The following SUPT3H variants were observed in gnomAD, a reference collection of about 807,000 sequenced individuals.
SUPT3H encodes transcription initiation protein SPT3 homolog.
SUPT3H carries 44 observed loss-of-function variants against 44.3 expected under a neutral mutation model. The ratio of observed to expected loss-of-function variants is 0.99; its 90% CI spans 0.78 to 1.28. SUPT3H has a LOEUF of 1.28. Ranked by LOEUF, SUPT3H falls within the 50% of genes most tolerant of loss-of-function variation. The pLI, the probability that SUPT3H is intolerant of heterozygous loss-of-function variation, is 0.00. For missense variants in SUPT3H, 380 were observed against 387.1 expected (o/e 0.98, Z 0.15); for synonymous variants, 124 against 125.6 (o/e 0.99, Z 0.09).
chr6:45,290,652 C>T (rs1397990928), intron 2 of SUPT3H, among the ~76,000 whole-genome samples: 1 of 152,088 alleles, frequency 6.6e-6, no homozygotes, highest in Admixed American at 6.6e-5. Context: ...AAAGAAGTGG[C>T]TGAAACTCTC....
intron 2 of SUPT3H, among the ~76,000 whole-genome samples, chr6:45,283,464 CA>C (rs1778584772): frequency 6.6e-6 from 1 of 151,960 alleles, no homozygotes; most frequent in Admixed American, 6.6e-5. Flanking sequence ...GACTTTAAAC[CA>C]ACAAAGGTCA....
chr6:45,246,591 C>T (rs1031744850), intron 2 of SUPT3H, among the ~76,000 whole-genome samples: 1 of 152,056 alleles, frequency 6.6e-6, no homozygotes, highest in Admixed American at 6.6e-5. Flanking sequence ...GAAAGTAATG[C>T]AGATTCAAAA....
chr6:44,854,270 C>T (rs1289205386), intron 10 of SUPT3H, among the ~76,000 whole-genome samples: 2 of 152,134 alleles, frequency 1.3e-5, no homozygotes, highest in Non-Finnish European at 2.9e-5. Context: ...CTGAAATCAG[C>T]TTTCCCAAAA....
chr6:45,124,193 G>C (rs73738603), intron 2 of SUPT3H, among the ~76,000 whole-genome samples: 2,868 of 152,168 alleles, frequency 0.019, 49 homozygotes, highest in African/African-American at 0.035. Flanking sequence ...TTGAGTTAAT[G>C]TAAGGATGAT....
At chr6:45,316,994 A>G (rs1394501473) in intron 2 of SUPT3H, among the ~76,000 whole-genome samples, 1 of 152,108 alleles carries the variant, frequency 6.6e-6, no homozygotes, top group East Asian at 1.9e-4. Context: ...TAGGAGGCCA[A>G]GGTGGGCGGA....
chr6:45,313,207 A>G (rs1366258521), intron 2 of SUPT3H, among the ~76,000 whole-genome samples: 1 of 152,166 alleles, frequency 6.6e-6, no homozygotes, highest in African/African-American at 2.4e-5. Context: ...CAAACAGACA[A>G]TCTAAAGTCA....
intron 6 of SUPT3H, among the ~76,000 whole-genome samples, chr6:44,996,630 G>A (rs770440252): frequency 4.0e-5 from 6 of 151,698 alleles, no homozygotes; most frequent in African/African-American, 7.3e-5. Flanking sequence ...TTAAAAGTTT[G>A]AACTTAGCAT....
At chr6:45,119,768 T>C (rs960492445) in intron 2 of SUPT3H, among the ~76,000 whole-genome samples, 2 of 152,184 alleles carry the variant, frequency 1.3e-5, no homozygotes, top group African/African-American at 4.8e-5. Context: ...GGAAAAATGT[T>C]TGAAATTTCA....
At chr6:45,092,058 C>T (rs1797188917) in intron 3 of SUPT3H, among the ~76,000 whole-genome samples, 1 of 152,008 alleles carries the variant, frequency 6.6e-6, no homozygotes, top group African/African-American at 2.4e-5. Flanking sequence ...TGTAAACCAA[C>T]TAGATAACCT....
rs574912631 is a variant in SUPT3H at position 45,173,805 on chromosome 6, T to G, written c.102-67799A>C. 3.3e-5 allele frequency among the ~76,000 whole-genome samples: 5 copies of G among 152,320 alleles called. No homozygotes were observed. In the South Asian group the frequency reaches 8.3e-4, roughly 25 times the overall value. On this transcript the variant is annotated intron_variant, in intron 2 of 10. Transcript: ENST00000371459. Reference sequence around the variant, plus strand: ...CTTTAAGTCATGCCAATAGCAAAATTGAATTTAACTGTCCTCTTCTGGGGG... The same window carrying G: ...CTTTAAGTCATGCCAATAGCAAAATGGAATTTAACTGTCCTCTTCTGGGGG...
At chr6:44,858,798 G>A (rs1227083537) in intron 10 of SUPT3H, among the ~76,000 whole-genome samples, 1 of 152,078 alleles carries the variant, frequency 6.6e-6, no homozygotes, top group Non-Finnish European at 1.5e-5. Flanking sequence ...TGTTCCTATG[G>A]CTGTCTAGGA....
intron 9 of SUPT3H, among the ~76,000 whole-genome samples, chr6:44,934,780 G>T (rs1306330118): frequency 6.6e-6 from 1 of 152,114 alleles, no homozygotes; most frequent in Non-Finnish European, 1.5e-5. Flanking sequence ...GGACTTCCTA[G>T]CCTCCAGAAC....
intron 6 of SUPT3H, among the ~76,000 whole-genome samples, chr6:45,000,529 G>A (rs765974848): frequency 5.3e-5 from 8 of 151,990 alleles, no homozygotes; most frequent in Non-Finnish European, 1.0e-4. Context: ...CCACACTTGG[G>A]CACAACTGAA....
chr6:44,997,928 A>G (rs1444369298), intron 6 of SUPT3H, among the ~76,000 whole-genome samples: 2 of 151,940 alleles, frequency 1.3e-5, no homozygotes, highest in Non-Finnish European at 2.9e-5. Context: ...GCTATTTGAT[A>G]TATGATAGTA....
At chr6:45,110,591 T>G (rs1001261483) in intron 2 of SUPT3H, among the ~76,000 whole-genome samples, 2 of 152,170 alleles carry the variant, frequency 1.3e-5, no homozygotes, top group East Asian at 1.9e-4. Context: ...AGGAGAAAGA[T>G]TTCTTAAAAA....
chr6:45,061,585 C>T (rs979379219), intron 3 of SUPT3H, among the ~76,000 whole-genome samples: 1 of 152,128 alleles, frequency 6.6e-6, no homozygotes, highest in Non-Finnish European at 1.5e-5. Context: ...TGCACATGTA[C>T]ACCGGAACTT....
chr6:45,342,593 G>C (rs1790025016), intron 2 of SUPT3H, among the ~76,000 whole-genome samples: 1 of 151,982 alleles, frequency 6.6e-6, no homozygotes, highest in Admixed American at 6.6e-5. Flanking sequence ...ATATGAGAGT[G>C]CCTCTATATC....
rs182713143 is a variant in SUPT3H, at chr6:44,863,707, A to G, written c.913-33850T>C. On this transcript the variant is annotated intron_variant, in intron 10 of 10. Transcript: ENST00000371459. ...GGGGCTGTATTTTCATGCTGCTGAT[A>G]AAGACATACTCAAGACTGCATAATT... Among the ~76,000 whole-genome samples, 40 of 152,226 alleles carry G rather than the reference A, an allele frequency of 2.6e-4. No individual in the cohort carries two copies. The East Asian group carries it at 7.3e-3, about 28-fold the overall frequency.
chr6:45,062,482 T>A (rs867639548), intron 3 of SUPT3H, among the ~76,000 whole-genome samples: 31 of 152,014 alleles, frequency 2.0e-4, no homozygotes, highest in African/African-American at 5.3e-4. Context: ...TAGGAACAGC[T>A]CCGGTCTACA....
Sources: allele counts gnomAD v4.1 joint callset (sites outside exome capture counted in the v4.1 genomes callset), GRCh38; gene constraint gnomAD v4.1.1; transcripts MANE v1.5; gene names NCBI Gene and HGNC (gene_info 2026-07-23, HGNC 2026-07-21).